CSPG4: variants seen among roughly 807,000 people sequenced by gnomAD.
CSPG4 encodes the protein chondroitin sulfate proteoglycan 4, also known as chondroitin sulfate proteoglycan 4 (melanoma-associated).
CSPG4 carries 74 observed loss-of-function variants against 139.3 expected under a neutral mutation model. The observed-to-expected ratio is 0.53, with a 90% CI of 0.44 to 0.64. The LOEUF (loss-of-function observed/expected upper bound fraction) is 0.64. Among genes scored for constraint, CSPG4 ranks in the 30% least tolerant of loss-of-function variants. The pLI, the probability that CSPG4 is intolerant of heterozygous loss-of-function variation, is 0.00. For missense variants in CSPG4, 2,565 were observed against 3,148.3 expected (o/e 0.81, Z 4.43); for synonymous variants, 1,234 against 1,394.2 (o/e 0.89, Z 2.56).
chr15:75,685,150 T>C (rs1165343616), intron 4 of CSPG4, 69 bp downstream of exon 4: 2 of 1,493,628 alleles, frequency 1.3e-6, no homozygotes, highest in African/African-American at 2.8e-5. Flanking sequence ...AGACTGGGAG[T>C]CCCCAGGGCT....
rs1047416108 is a variant in CSPG4 at position 75,677,340 on chromosome 15, C to T, written c.5179G>A (p.Ala1727Thr). The T allele has an allele frequency of 1.4e-6, 2 of 1,410,034 alleles. No homozygotes were observed. The highest frequency in any genetic ancestry group is 9.3e-7 in the Non-Finnish European group (1 of 1,078,654). 87.3% of individuals were successfully genotyped at this position (1,410,034 alleles called of 1,614,324 possible). A position where few individuals can be genotyped will look rare whatever the true frequency, so the allele number is the denominator to read the frequency against. ...GCCAAGAGATTGGAGGCATCCAGAG[C>T]AGCCACGGTGATCCTGGCCCGCTGG... ...EGQRARITVA[A>T]LDASNLLASV... is the part of the protein sequence containing the mutation. The change falls in exon 10 of 10, where the codon GCT (alanine) becomes ACT (threonine). Residue 1727 changes from alanine (A) to threonine (T), a missense_variant. By Grantham distance (58) the Ala-to-Thr change is moderately conservative. Transcript: ENST00000308508.
intron 3 of CSPG4, among the ~76,000 whole-genome samples, chr15:75,686,086 C>G (rs142715030): frequency 1.4e-3 from 220 of 152,310 alleles, no homozygotes; most frequent in African/African-American, 5.0e-3. Context: ...GATGGGGTTT[C>G]ACTGGGTTGC....
intron 8 of CSPG4, 79 bp from the exon 9 acceptor site, chr15:75,677,965 GC>G: frequency 7.3e-7 from 1 of 1,375,226 alleles, no homozygotes; most frequent in Non-Finnish European, 9.8e-7. Flanking sequence ...GTCTCCTCAG[GC>G]CCCACTCTGG....
intron 1 of CSPG4, among the ~76,000 whole-genome samples, chr15:75,699,654 G>A (rs1175074857): frequency 3.3e-5 from 5 of 151,862 alleles, no homozygotes; most frequent in African/African-American, 1.2e-4. Context: ...GAAGCAGGAG[G>A]GGAAATGAGA....
chr15:75,689,963 G>T lies in CSPG4; in HGVS notation c.1102C>A (p.Arg368=). The T allele has an allele frequency of 1.2e-6, 2 of 1,610,450 alleles. No homozygotes were observed. Among genetic ancestry groups the T allele is most frequent in the South Asian group, 1.1e-5 (1 of 90,828 alleles). Residue 368 remains arginine, a synonymous_variant, in exon 3 of 10, where the codon CGG becomes AGG. Transcript: ENST00000308508. ...ATGTTGCGCGTCAGCAAAGCTTCCC[G>T]CAGCCCCCGCCTCTGGCCATTGACA... ...LSVNGQRRGL[R]EALLTRNMAA...
chr15:75,677,591 C>T lies in CSPG4; in HGVS notation c.5134+112G>A, dbSNP rs1346250682. 2.3e-6 allele frequency: 3 copies of T among 1,331,774 alleles called. No homozygotes were observed. In the African/African-American group the frequency reaches 4.4e-5, roughly 20 times the overall value. 82.5% of individuals were successfully genotyped at this position (1,331,774 alleles called of 1,614,324 possible). A position where few individuals can be genotyped will look rare whatever the true frequency, so the allele number is the denominator to read the frequency against. Reference sequence around the variant, plus strand: ...CCCCACTCACCCTCCCTGTGACTTCCCAGGTCCTGGGGGCTGAGACAGGAG... The same window carrying T: ...CCCCACTCACCCTCCCTGTGACTTCTCAGGTCCTGGGGGCTGAGACAGGAG... On this transcript the variant is annotated intron_variant, in intron 9 of 9. Transcript: ENST00000308508.
chr15:75,703,534 C>T (rs1894331494), intron 1 of CSPG4, among the ~76,000 whole-genome samples: 2 of 152,090 alleles, frequency 1.3e-5, no homozygotes, highest in Non-Finnish European at 2.9e-5. Context: ...CCTCCGTTCC[C>T]GGCAGTCTCC....
At chr15:75,701,890 A>ACT (rs1894307587) in intron 1 of CSPG4, among the ~76,000 whole-genome samples, 1 of 149,538 alleles carries the variant, frequency 6.7e-6, no homozygotes, top group Admixed American at 6.6e-5. Context: ...GTCGCACTGA[A>ACT]CTCTCCTCCT....
At chr15:75,712,627 G>T in intron 1 of CSPG4, 41 bp downstream of exon 1, 1 of 1,534,548 alleles carries the variant, frequency 6.5e-7, no homozygotes, top group Non-Finnish European at 8.8e-7. Flanking sequence ...AACCCCTCTA[G>T]TTCCGCCAGG....
chr15:75,692,553 T>G (rs979013121), intron 2 of CSPG4, among the ~76,000 whole-genome samples: 1 of 152,220 alleles, frequency 6.6e-6, no homozygotes, highest in Non-Finnish European at 1.5e-5. Flanking sequence ...ATGAGGAAGC[T>G]GAGGCAGTAC....
intron 1 of CSPG4, among the ~76,000 whole-genome samples, chr15:75,706,806 G>A (rs572555806): frequency 6.6e-6 from 1 of 152,258 alleles, no homozygotes; most frequent in South Asian, 2.1e-4. Context: ...CCTTGACCAG[G>A]GAGGATGATA....
At chr15:75,706,340 C>CA (rs1894371406) in intron 1 of CSPG4, among the ~76,000 whole-genome samples, 2 of 152,008 alleles carry the variant, frequency 1.3e-5, no homozygotes, top group Admixed American at 1.3e-4. Context: ...GCTGCTGGCT[C>CA]GGGGCAGGAC....
At position 75,674,679 on chromosome 15, in the gene CSPG4, T is replaced by C. The variant is rs1434484333; in HGVS notation, c.*871A>G. The C allele has an allele frequency of 2.5e-6, 1 of 398,960 alleles. No individual in the cohort carries two copies. Among genetic ancestry groups the C allele is most frequent in the East Asian group, 3.6e-5 (1 of 28,088 alleles). The allele number at this position is 398,960 out of a possible 1,614,324, so 24.7% of individuals were successfully genotyped here. On this transcript the variant is annotated 3_prime_UTR_variant, in exon 10 of 10. Transcript: ENST00000308508. ...CTCCATGGAACCAAGTGCCCCCAGC[T>C]GCCTGCCCTAGTCCTCAGGGGGGCA...
Position 75,683,030 on chromosome 15 carries a change from C to A in CSPG4, c.4461G>T (p.Gly1487=), listed in dbSNP as rs1454983247. ...TTNTGLQMWE[G]ATAPIPAEAL... is the part of the protein sequence containing the mutation. ...CCTCCGCAGGGATGGGCGCAGTGGC[C>A]CCCTCCCACATCTGGGAACACAGGC... The change falls in exon 6 of 10, where the codon GGG becomes GGT. Residue 1487 remains glycine (G), a synonymous_variant. Coordinates refer to ENST00000308508, the MANE Select transcript of CSPG4 (RefSeq NM_001897.5). 1.9e-6 allele frequency: 3 copies of A among 1,609,952 alleles called. No homozygotes were observed. In the African/African-American group the frequency reaches 4.0e-5, roughly 22 times the overall value.
chr15:75,702,679 C>T (rs972217261), intron 1 of CSPG4, among the ~76,000 whole-genome samples: 4 of 152,264 alleles, frequency 2.6e-5, no homozygotes, highest in African/African-American at 7.2e-5. Context: ...GGACTGGACA[C>T]TATGGCCTGG....
In CSPG4 at chr15:75,674,452, G is replaced by A. The variant is rs1182942883; in HGVS notation, c.*1098C>T. The A allele has an allele frequency of 2.8e-6, 1 of 353,922 alleles. No individual in the cohort carries two copies. Among genetic ancestry groups the A allele is most frequent in the Non-Finnish European group, 5.1e-6 (1 of 197,570 alleles). The allele number at this position is 353,922 out of a possible 1,614,324, so 21.9% of individuals were successfully genotyped here. On this transcript the variant is annotated 3_prime_UTR_variant, in exon 10 of 10. Transcript: ENST00000308508. ...TGGCCCACCTGCCCACACAGGTGGG[G>A]GCACAGGAGGTCTGGGAGGCCCCAG...
At chr15:75,682,143 C>G (rs1310366734) in intron 8 of CSPG4, 150 bp downstream of exon 8, 1 of 1,027,940 alleles carries the variant, frequency 9.7e-7, no homozygotes, top group Non-Finnish European at 1.4e-6. Context: ...TCCTGGAGGA[C>G]AGGACACTAG....
At chr15:75,685,073 A>G in intron 4 of CSPG4, 146 bp downstream of exon 4, 1 of 1,248,386 alleles carries the variant, frequency 8.0e-7, no homozygotes, top group South Asian at 1.4e-5. Flanking sequence ...AAGAAAAGAT[A>G]TATGGTATTT....
At chr15:75,709,138 C>T (rs1455196602) in intron 1 of CSPG4, among the ~76,000 whole-genome samples, 1 of 152,182 alleles carries the variant, frequency 6.6e-6, no homozygotes, top group East Asian at 1.9e-4. Flanking sequence ...ACCCTTGCCC[C>T]ACGGAGGAGC....
Sources: allele counts gnomAD v4.1 joint callset (sites outside exome capture counted in the v4.1 genomes callset), GRCh38; gene constraint gnomAD v4.1.1; transcripts MANE v1.5; gene names NCBI Gene and HGNC (gene_info 2026-07-23, HGNC 2026-07-21).